Variants in DAPK2 observed in about 807,000 individuals in gnomAD.
DAPK2 encodes death associated protein kinase 2, also known as death-associated protein kinase 2.
DAPK2 carries 35 observed loss-of-function variants against 44.1 expected under a neutral mutation model. The ratio of observed to expected loss-of-function variants is 0.79; its 90% CI spans 0.61 to 1.05. The LOEUF is 1.05. Among genes scored for constraint, DAPK2 ranks in the 50% least tolerant of loss-of-function variants. DAPK2 has a pLI of 0.00. For synonymous variants in DAPK2, 174 were observed against 182.6 expected (o/e 0.95, Z 0.38); for missense variants, 453 against 483.2 (o/e 0.94, Z 0.59).
At chr15:64,003,898 C>G (rs111543573) in intron 1 of DAPK2, among the ~76,000 whole-genome samples, 8,180 of 152,332 alleles carry the variant, frequency 0.054, 370 homozygotes, top group African/African-American at 0.13. Flanking sequence ...GGCCATGGCA[C>G]CTGGCCTATC....
intron 8 of DAPK2, chr15:63,921,352 T>A (rs2079066722): frequency 6.6e-6 from 1 of 152,216 alleles, no homozygotes; most frequent in South Asian, 2.1e-4. Context: ...CTTGGGAAAA[T>A]CCCATCCTCT....
intron 1 of DAPK2, among the ~76,000 whole-genome samples, chr15:64,002,421 AAC>A (rs1423499168): frequency 1.3e-5 from 2 of 152,234 alleles, no homozygotes; most frequent in African/African-American, 4.8e-5. Flanking sequence ...TAAAGGTTTT[AAC>A]AGTTTCTCCT....
At chr15:63,929,885 G>T in intron 5 of DAPK2, 4 of 543,226 alleles carry the variant, frequency 7.4e-6, no homozygotes, top group South Asian at 4.8e-5. Flanking sequence ...GTAAAATGAG[G>T]ATAATGATAA....
At chr15:63,925,964 C>T (rs1157319862) in exon 7 of DAPK2, 1 of 1,614,138 alleles carries the variant, frequency 6.2e-7, no homozygotes, top group Non-Finnish European at 8.5e-7. Context: ...CCAGAAGCTT[C>T]CGAATAAAGT....
chr15:63,928,294 A>C (rs2079374093), intron 6 of DAPK2: 1 of 152,340 alleles, frequency 6.6e-6, no homozygotes, highest in African/African-American at 2.4e-5. Context: ...GCTGCAGCTC[A>C]GGGGGATCCA....
intron 1 of DAPK2, among the ~76,000 whole-genome samples, chr15:64,022,414 C>G (rs1290483495): frequency 6.6e-6 from 1 of 152,218 alleles, no homozygotes; most frequent in Non-Finnish European, 1.5e-5. Flanking sequence ...AAGGCTTGAG[C>G]TAGGATACAT....
At chr15:63,945,612 A>T (rs1436845257) in intron 3 of DAPK2, among the ~76,000 whole-genome samples, 1 of 152,104 alleles carries the variant, frequency 6.6e-6, no homozygotes, top group East Asian at 1.9e-4. Flanking sequence ...CCCCAAATAG[A>T]GCAGGGTGGT....
At chr15:63,934,189 G>T (rs1445047239) in intron 4 of DAPK2, among the ~76,000 whole-genome samples, 1 of 146,510 alleles carries the variant, frequency 6.8e-6, no homozygotes, top group Non-Finnish European at 1.5e-5. Flanking sequence ...AAAAACCTCA[G>T]AACATTAATT....
chr15:63,968,799 A>G (rs1173322608), intron 3 of DAPK2, among the ~76,000 whole-genome samples: 1 of 152,196 alleles, frequency 6.6e-6, no homozygotes, highest in Non-Finnish European at 1.5e-5. Flanking sequence ...GCTGCCATAA[A>G]GGCAAGCCAA....
At chr15:64,004,764 C>T (rs746566410) in intron 1 of DAPK2, among the ~76,000 whole-genome samples, 1 of 152,178 alleles carries the variant, frequency 6.6e-6, no homozygotes, top group Non-Finnish European at 1.5e-5. Flanking sequence ...TAAGCACGTG[C>T]AGCACCGCTC....
chr15:64,006,585 A>G (rs1156402655), intron 1 of DAPK2, among the ~76,000 whole-genome samples: 1 of 152,184 alleles, frequency 6.6e-6, no homozygotes, highest in Non-Finnish European at 1.5e-5. Flanking sequence ...AGTATACAAT[A>G]AAACTTGGCA....
At chr15:63,926,298 C>A in intron 6 of DAPK2, 1 of 493,572 alleles carries the variant, frequency 2.0e-6, no homozygotes, top group Admixed American at 3.8e-5. Flanking sequence ...CCTAAGCACC[C>A]GACAGAGAGA....
At chr15:64,017,578 G>A (rs942491823) in intron 1 of DAPK2, among the ~76,000 whole-genome samples, 9 of 152,212 alleles carry the variant, frequency 5.9e-5, no homozygotes, top group Non-Finnish European at 1.2e-4. Context: ...CGCTGGTCTG[G>A]AGTCAGAAAG....
intron 3 of DAPK2, among the ~76,000 whole-genome samples, chr15:63,965,769 G>T (rs1466076957): frequency 2.0e-5 from 3 of 152,194 alleles, no homozygotes; most frequent in Non-Finnish European, 4.4e-5. Context: ...CCTGACTACT[G>T]CCAGTGCACA....
At chr15:63,993,668 G>A (rs1399135840) in intron 1 of DAPK2, among the ~76,000 whole-genome samples, 2 of 152,110 alleles carry the variant, frequency 1.3e-5, no homozygotes, top group African/African-American at 4.8e-5. Flanking sequence ...GAATGGGGAA[G>A]ACTACATATC....
intron 6 of DAPK2, among the ~76,000 whole-genome samples, chr15:63,929,090 C>A (rs192199695): frequency 2.6e-3 from 389 of 151,986 alleles, no homozygotes; most frequent in South Asian, 6.2e-3. Context: ...ATCCCGGTTA[C>A]TCGGGAGGCT....
chr15:63,925,619 C>A (rs1044490435), intron 7 of DAPK2, among the ~76,000 whole-genome samples: 5 of 150,084 alleles, frequency 3.3e-5, no homozygotes, highest in African/African-American at 1.2e-4. Context: ...ATTCCAGGTG[C>A]CTTTGGGACA....
At chr15:63,922,589 C>T (rs2079106308) in intron 8 of DAPK2, 1 of 1,415,494 alleles carries the variant, frequency 7.1e-7, no homozygotes, top group African/African-American at 1.4e-5. Flanking sequence ...GGCACCTCAG[C>T]AATTCTGGAT....
rs150637317 is a variant in DAPK2 at position 63,926,070 on chromosome 15, A to G, written c.683T>C (p.Leu228Pro). ...CAGTGTTTCCTGCTTCGTGTCTCCC[A>G]GGAAAGGGGATGCTCCACTTAAGCT... Residue 228 changes from leucine (L) to proline (P), a missense_variant, in exon 7 of 11, where the codon CTG becomes CCG. Transcript: ENST00000261891. The G allele has an allele frequency of 6.9e-5, 112 of 1,611,716 alleles. No individual in the cohort carries two copies. Among genetic ancestry groups the G allele is most frequent in the Non-Finnish European group, 8.7e-5 (102 of 1,178,742 alleles).
Sources: allele counts gnomAD v4.1 joint callset (sites outside exome capture counted in the v4.1 genomes callset), GRCh38; gene constraint gnomAD v4.1.1; transcripts MANE v1.5; gene names NCBI Gene and HGNC (gene_info 2026-07-23, HGNC 2026-07-21).